The following NTRK3 variants were observed in gnomAD, a reference collection of about 807,000 sequenced individuals.
NTRK3 encodes the protein NT-3 growth factor receptor.
A neutral mutation model predicts 91.7 loss-of-function variants in NTRK3; 24 were observed. That is an observed-to-expected ratio of 0.26 (90% confidence interval 0.19 to 0.37). The LOEUF (loss-of-function observed/expected upper bound fraction) is 0.37, where lower values mean the gene tolerates loss of function less well. Ranked by LOEUF, NTRK3 falls within the 10% of genes least tolerant of loss-of-function variation. NTRK3 has a pLI of 1.00. For missense variants in NTRK3, 880 were observed against 1,068.9 expected (o/e 0.82, Z 2.46); for synonymous variants, 483 against 404.0 (o/e 1.20, Z -2.34).
rs61265972 is a variant in NTRK3, at chr15:87,910,377, C to A, written c.2133+18814G>T. On this transcript the variant is annotated intron_variant, in intron 17 of 18. Coordinates refer to ENST00000394480, the Ensembl canonical transcript of NTRK3. Reference sequence around the variant, plus strand: ...ACATAGCAGGCTGGTGATAAAGAGACAGGTTCAGAAATGGCTCCCCTTTGG... The same window carrying A: ...ACATAGCAGGCTGGTGATAAAGAGAAAGGTTCAGAAATGGCTCCCCTTTGG... 5.7e-3 allele frequency among the ~76,000 whole-genome samples: 869 copies of A among 152,288 alleles called. 4 individuals carry two copies. The highest frequency in any genetic ancestry group is 0.02 in the African/African-American group (838 of 41,566).
intron 13 of NTRK3, among the ~76,000 whole-genome samples, chr15:88,061,680 C>T (rs1305312338): frequency 1.3e-5 from 2 of 152,210 alleles, no homozygotes; most frequent in African/African-American, 4.8e-5. Flanking sequence ...GGCAGGGTGG[C>T]GAACTCAGGC....
intron 10 of NTRK3, 93 bp downstream of exon 10, chr15:88,135,008 C>A: frequency 1.4e-6 from 2 of 1,439,424 alleles, no homozygotes; most frequent in Non-Finnish European, 2.0e-6. Flanking sequence ...AGTATGAGTA[C>A]TGATGCTGCT....
chr15:88,137,474 G>C lies in NTRK3; in HGVS notation c.552C>G (p.Ser184Arg), dbSNP rs754696733. The stretch of plus-strand genomic sequence containing the variant: ...CAGCGTTGATGCAGTAGAGGTTCTG[G>C]CTGTTGAGCTTGGCCTCCCCCTGCT... The change falls in exon 7 of 19, where the codon AGC (serine) becomes AGG (arginine). Residue 184 changes from serine (S) to arginine (R), a missense_variant. Ser to Arg is a moderately radical substitution (Grantham distance 110). Around this residue, in one of 3 missense-constraint regions of NTRK3, gnomAD observed 743 missense variants for 868.6 expected, o/e 0.86. Transcript: ENST00000394480. 4 of 1,614,182 alleles carry C rather than the reference G, an allele frequency of 2.5e-6. No individual in the cohort carries two copies. The South Asian group carries it at 3.3e-5, about 13-fold the overall frequency.
intron 13 of NTRK3, among the ~76,000 whole-genome samples, chr15:88,085,578 C>G (rs187630618): frequency 1.5e-3 from 221 of 152,282 alleles, no homozygotes; most frequent in African/African-American, 5.1e-3. Flanking sequence ...CCCAGCCAAC[C>G]CACAGGCCTG....
intron 13 of NTRK3, among the ~76,000 whole-genome samples, chr15:88,084,427 A>C (rs1200366353): frequency 6.6e-6 from 1 of 152,142 alleles, no homozygotes; most frequent in African/African-American, 2.4e-5. Flanking sequence ...TGCAGGAGGG[A>C]GAGGAGGCAA....
At chr15:88,194,913 C>T (rs967806355) in intron 3 of NTRK3, among the ~76,000 whole-genome samples, 11 of 152,224 alleles carry the variant, frequency 7.2e-5, no homozygotes, top group Non-Finnish European at 1.6e-4. Flanking sequence ...GCCAAGACAG[C>T]AGCTTCAGGA....
intron 13 of NTRK3, among the ~76,000 whole-genome samples, chr15:88,062,317 T>A (rs1436163349): frequency 1.3e-5 from 2 of 152,212 alleles, no homozygotes; most frequent in Non-Finnish European, 2.9e-5. Context: ...ATGATAACAG[T>A]TTCTGGCATT....
chr15:88,159,797 C>T (rs532771469), intron 5 of NTRK3, among the ~76,000 whole-genome samples: 11 of 152,118 alleles, frequency 7.2e-5, no homozygotes, highest in East Asian at 5.8e-4. Context: ...CCAATGGGGA[C>T]GTGCCCCTGG....
intron 14 of NTRK3, among the ~76,000 whole-genome samples, chr15:88,016,508 G>C (rs1431074766): frequency 6.6e-6 from 1 of 152,166 alleles, no homozygotes; most frequent in Non-Finnish European, 1.5e-5. Flanking sequence ...TGAAGGAATG[G>C]GCTAAGCTGT....
intron 5 of NTRK3, among the ~76,000 whole-genome samples, chr15:88,171,421 G>A (rs761687681): frequency 1.7e-4 from 26 of 152,094 alleles, no homozygotes; most frequent in Non-Finnish European, 3.2e-4. Flanking sequence ...CCCCGGCTCT[G>A]TAACTCCCTT....
chr15:87,998,524 A>G (rs932170658), intron 14 of NTRK3, among the ~76,000 whole-genome samples: 10 of 152,248 alleles, frequency 6.6e-5, no homozygotes. Flanking sequence ...CGTGCAAACA[A>G]GTCACATTGG....
chr15:88,213,245 G>A (rs1032872080), intron 3 of NTRK3, among the ~76,000 whole-genome samples: 2 of 152,166 alleles, frequency 1.3e-5, no homozygotes, highest in Non-Finnish European at 2.9e-5. Context: ...GGAAACAGAG[G>A]CCCACCAGGA....
At chr15:88,124,464 T>A (rs569357405) in intron 13 of NTRK3, among the ~76,000 whole-genome samples, 1 of 152,318 alleles carries the variant, frequency 6.6e-6, no homozygotes, top group East Asian at 1.9e-4. Flanking sequence ...CTGCCAAGCA[T>A]GTCGCAGGGT....
In NTRK3 at chr15:88,240,456, T is replaced by C. The variant is rs910328947; in HGVS notation, c.248+15450A>G. Among the ~76,000 whole-genome samples, 1 of 151,944 alleles carries C rather than the reference T, an allele frequency of 6.6e-6. No individual in the cohort carries two copies. Among genetic ancestry groups the C allele is most frequent in the Non-Finnish European group, 1.5e-5 (1 of 67,970 alleles). ...CTCAAGGATCTCAAACTCCACTGAG[T>C]CCCAAGGGCCCCTTCTACCCCACCC... On this transcript the variant is annotated intron_variant, in intron 3 of 18. Coordinates refer to ENST00000394480, the Ensembl canonical transcript of NTRK3. This position sits in a 1 kb window ranked among gnomAD's most constrained non-coding sequence, Gnocchi z 4.9.
intron 13 of NTRK3, among the ~76,000 whole-genome samples, chr15:88,086,503 GTTTAT>G (rs1048107418): frequency 3.3e-5 from 5 of 151,386 alleles, no homozygotes; most frequent in East Asian, 3.9e-4. Flanking sequence ...AATTTCACCT[GTTTAT>G]TTTATTTTTT....
intron 14 of NTRK3, among the ~76,000 whole-genome samples, chr15:87,996,628 C>T (rs961799060): frequency 1.3e-5 from 2 of 152,162 alleles, no homozygotes; most frequent in Non-Finnish European, 2.9e-5. Flanking sequence ...GCCTGCAATG[C>T]TTAAAGAAGT....
rs201330982 is a variant in NTRK3 at position 88,000,983 on chromosome 15, TCTA to T, written c.1585+31871_1585+31873del. 9.6e-3 allele frequency among the ~76,000 whole-genome samples: 1,461 copies of T among 152,344 alleles called. 14 individuals are homozygous for T. Among genetic ancestry groups the T allele is most frequent in the Non-Finnish European group, 0.015 (1,036 of 68,026 alleles). ...ATTACCAACATTAAGGTGTAAAGGTTCTACTTTCTTCACATCCTCACCAATACT... is the reference window on the plus strand; with the variant it reads ...ATTACCAACATTAAGGTGTAAAGGTTCTTTCTTCACATCCTCACCAATACT... On this transcript the variant is annotated intron_variant, in intron 14 of 18. Coordinates refer to ENST00000394480, the Ensembl canonical transcript of NTRK3.
chr15:88,044,844 G>C (rs1355360148), intron 13 of NTRK3, among the ~76,000 whole-genome samples: 3 of 152,172 alleles, frequency 2.0e-5, no homozygotes, highest in African/African-American at 4.8e-5. Flanking sequence ...ATCAGACAAA[G>C]AGGTACTTTC....
chr15:88,242,314 G>C (rs1187385754), intron 3 of NTRK3, among the ~76,000 whole-genome samples: 1 of 152,188 alleles, frequency 6.6e-6, no homozygotes, highest in Non-Finnish European at 1.5e-5. Flanking sequence ...TTCCCAGCCA[G>C]GGGGCACAGT....
Sources: gnomAD v4.1 joint callset for allele counts (sites outside exome capture counted in the v4.1 genomes callset) on GRCh38, gnomAD v4.1.1 for gene constraint, gnomAD v4.1.1 regional missense constraint, Gnocchi (gnomAD v3.1) non-coding constraint, MANE v1.5 for transcripts, NCBI Gene and HGNC (gene_info 2026-07-23, HGNC 2026-07-21) for gene names.